EOGT: variants seen among roughly 807,000 people sequenced by gnomAD.
The protein encoded by EOGT is EGF domain-specific O-linked N-acetylglucosamine transferase.
In EOGT, 55 loss-of-function variants were observed where a neutral mutation model predicts 70.5. The observed-to-expected ratio is 0.78, with a 90% CI of 0.63 to 0.98. EOGT has a LOEUF of 0.98. Ranked by LOEUF, EOGT falls within the 50% of genes least tolerant of loss-of-function variation. EOGT has a pLI of 0.00. For missense variants in EOGT, 703 were observed against 641.9 expected, an observed-to-expected ratio of 1.10 and a Z score of -1.03; for synonymous variants, 246 against 217.1, an observed-to-expected ratio of 1.13 and a Z score of -1.17.
intron 5 of EOGT, 41 bp from the exon 6 acceptor site, chr3:69,007,862 C>A: frequency 7.1e-7 from 1 of 1,413,052 alleles, no homozygotes; most frequent in South Asian, 1.2e-5. Context: ...TTTCTTTTTA[C>A]TTTTTTGGAC....
intron 6 of EOGT, among the ~76,000 whole-genome samples, chr3:69,006,751 A>G (rs1317394602): frequency 6.6e-6 from 1 of 151,930 alleles, no homozygotes; most frequent in Non-Finnish European, 1.5e-5. Flanking sequence ...ACCCCAAACC[A>G]CCTCTTGACA....
intron 16 of EOGT, among the ~76,000 whole-genome samples, 183 bp from the exon 17 acceptor site, chr3:68,978,618 C>G (rs1225363471): frequency 6.6e-6 from 1 of 152,152 alleles, no homozygotes; most frequent in East Asian, 1.9e-4. Context: ...ACTAAATGAA[C>G]TTAACTTTTA....
chr3:68,985,930 G>A (rs1465644758), intron 14 of EOGT, among the ~76,000 whole-genome samples: 1 of 152,120 alleles, frequency 6.6e-6, no homozygotes, highest in Non-Finnish European at 1.5e-5. Context: ...CAGGCTCCAG[G>A]AAAGAACCCA....
intron 10 of EOGT, among the ~76,000 whole-genome samples, chr3:68,989,332 T>G (rs2090909891): frequency 6.6e-6 from 1 of 152,158 alleles, no homozygotes; most frequent in Non-Finnish European, 1.5e-5. Context: ...ATCCAAATTA[T>G]AGATACACAC....
At chr3:69,000,558 G>A (rs2091269529) in intron 9 of EOGT, among the ~76,000 whole-genome samples, 1 of 152,154 alleles carries the variant, frequency 6.6e-6, no homozygotes, top group African/African-American at 2.4e-5. Context: ...GACTTCAGAA[G>A]GCAGAGCACA....
intron 10 of EOGT, among the ~76,000 whole-genome samples, chr3:68,996,214 G>A (rs1375142949): frequency 2.0e-5 from 3 of 152,126 alleles, no homozygotes; most frequent in Non-Finnish European, 2.9e-5. Flanking sequence ...GCATTAACAC[G>A]CCAAGAATTA....
Position 68,977,697 on chromosome 3 carries a change from A to T in EOGT, c.1505T>A (p.Met502Lys), listed in dbSNP as rs768506105. Residue 502 changes from methionine (M) to lysine (K), a missense_variant, in exon 18 of 18, where the codon ATG becomes AAG. Physicochemically the swap from Met to Lys is moderately conservative, Grantham distance 95. Coordinates refer to ENST00000383701, the MANE Select transcript of EOGT (RefSeq NM_001278689.2). The part of the protein sequence containing the change: ...TNYSFDVEEF[M>K]YLVLQAADHV... ...GTCTGCAGCCTGAAGGACAAGATACATAAATTCTTCTACATCGAAAGAGTA... is the reference window on the plus strand; with the variant it reads ...GTCTGCAGCCTGAAGGACAAGATACTTAAATTCTTCTACATCGAAAGAGTA... 3 of 1,613,908 alleles carry T rather than the reference A, an allele frequency of 1.9e-6. No individual in the cohort carries two copies. Among genetic ancestry groups the T allele is most frequent in the Non-Finnish European group, 1.7e-6 (2 of 1,179,972 alleles).
intron 15 of EOGT, 115 bp from the exon 16 acceptor site, chr3:68,979,902 C>T: frequency 2.0e-6 from 2 of 985,004 alleles, no homozygotes; most frequent in Non-Finnish European, 2.8e-6. Context: ...CATTTTAAAC[C>T]ACATTCCATT....
intron 10 of EOGT, among the ~76,000 whole-genome samples, chr3:68,993,248 T>A (rs2091047205): frequency 6.6e-6 from 1 of 152,220 alleles, no homozygotes; most frequent in South Asian, 2.1e-4. Flanking sequence ...GTTTCCCTTT[T>A]AAAACTGAGT....
Position 68,987,475 on chromosome 3 carries a change from T to C in EOGT, c.1122A>G (p.Thr374=). ...TTTGGTTAAGGATTTTCCGGTATTC[T>C]GTGCTCCGTGCAAGAATGGTGACTC... is the stretch of plus-strand genomic sequence containing the variant. ...KIRVTILARS[T]EYRKILNQNE... is the part of the protein sequence containing the mutation. Residue 374 remains threonine, a synonymous_variant, in exon 14 of 18, where the codon ACA becomes ACG. Transcript: ENST00000383701. 6.2e-7 allele frequency: 1 copy of C among 1,613,894 alleles called. No individual in the cohort carries two copies. Among genetic ancestry groups the C allele is most frequent in the Non-Finnish European group, 8.5e-7 (1 of 1,179,914 alleles).
chr3:68,987,384 A>C (rs1490837791), intron 14 of EOGT, 61 bp downstream of exon 14: 20 of 1,277,606 alleles, frequency 1.6e-5, no homozygotes, highest in Admixed American at 1.3e-4. Context: ...AAAAAAAAAA[A>C]AACACAATTT....
intron 7 of EOGT, 109 bp from the exon 8 acceptor site, chr3:69,004,591 G>A (rs1393018199): frequency 2.9e-6 from 2 of 695,000 alleles, no homozygotes; most frequent in African/African-American, 3.6e-5. Context: ...TTTTTTAAAA[G>A]AATTTAACTA....
At chr3:69,001,563 A>G in intron 9 of EOGT, 45 bp downstream of exon 9, 1 of 1,238,286 alleles carries the variant, frequency 8.1e-7, no homozygotes, top group Non-Finnish European at 1.2e-6. Flanking sequence ...AAGGAATAAT[A>G]TCTCATTAAC....
At chr3:68,984,678 T>A (rs527725529) in intron 14 of EOGT, among the ~76,000 whole-genome samples, 2 of 152,052 alleles carry the variant, frequency 1.3e-5, no homozygotes, top group Non-Finnish European at 2.9e-5. Context: ...TGGCTTGGAG[T>A]TGGGGGCTGA....
At chr3:69,009,262 G>A (rs185801778) in intron 4 of EOGT, among the ~76,000 whole-genome samples, 1 of 152,334 alleles carries the variant, frequency 6.6e-6, no homozygotes, top group African/African-American at 2.4e-5. Context: ...AGGCTGAGGT[G>A]TTATTACTGA....
intron 10 of EOGT, among the ~76,000 whole-genome samples, chr3:68,997,531 G>C: frequency 6.6e-6 from 1 of 152,062 alleles, no homozygotes; most frequent in Non-Finnish European, 1.5e-5. Flanking sequence ...ACCGTATCTG[G>C]CTAATTTTTG....
intron 13 of EOGT, 101 bp downstream of exon 13, chr3:68,988,194 A>T (rs562470463): frequency 1.2e-6 from 1 of 855,454 alleles, no homozygotes; most frequent in Admixed American, 2.6e-5. Context: ...TTAACACAAA[A>T]ACATGGTCTC....
intron 8 of EOGT, 57 bp downstream of exon 8, chr3:69,004,321 C>T: frequency 8.0e-7 from 1 of 1,253,532 alleles, no homozygotes; most frequent in Non-Finnish European, 1.2e-6. Context: ...TTAATATCTG[C>T]AAGTGCCGTA....
intron 10 of EOGT, among the ~76,000 whole-genome samples, chr3:68,993,736 G>C (rs184932365): frequency 6.6e-6 from 1 of 152,146 alleles, no homozygotes; most frequent in Non-Finnish European, 1.5e-5. Context: ...AAGAAAAAGA[G>C]GTTTAACTGG....
Sources: allele counts gnomAD v4.1 joint callset (sites outside exome capture counted in the v4.1 genomes callset), GRCh38; gene constraint gnomAD v4.1.1; transcripts MANE v1.5; gene names NCBI Gene and HGNC (gene_info 2026-07-23, HGNC 2026-07-21).